USP32: variants seen among roughly 807,000 people sequenced by gnomAD.
USP32 encodes the protein ubiquitin carboxyl-terminal hydrolase 32.
Under a neutral mutation model 204.8 loss-of-function variants are expected in USP32, and 59 were observed. That is an observed-to-expected ratio of 0.29 (90% confidence interval 0.23 to 0.36). The LOEUF (loss-of-function observed/expected upper bound fraction) is 0.36, where lower values mean the gene tolerates loss of function less well. Ranked by LOEUF, USP32 falls within the 10% of genes least tolerant of loss-of-function variation. The pLI is 1.00. For missense variants in USP32, 1,160 were observed against 1,946.4 expected, an observed-to-expected ratio of 0.60 and a Z score of 7.60; for synonymous variants, 517 against 678.4, an observed-to-expected ratio of 0.76 and a Z score of 3.70.
At chr17:60,307,833 C>T (rs2087762232) in intron 2 of USP32, among the ~76,000 whole-genome samples, 1 of 152,112 alleles carries the variant, frequency 6.6e-6, no homozygotes, top group Non-Finnish European at 1.5e-5. Flanking sequence ...CCCAAGACCC[C>T]AGCAAGCAGA....
At chr17:60,274,525 G>C (rs2086797084) in intron 5 of USP32, among the ~76,000 whole-genome samples, 1 of 151,992 alleles carries the variant, frequency 6.6e-6, no homozygotes, top group Non-Finnish European at 1.5e-5. Flanking sequence ...CTTAAAAGGA[G>C]CAAGATGGGG....
At chr17:60,237,615 C>T (rs2085766759) in intron 11 of USP32, among the ~76,000 whole-genome samples, 1 of 152,160 alleles carries the variant, frequency 6.6e-6, no homozygotes, top group African/African-American at 2.4e-5. Flanking sequence ...ACCTTAACAA[C>T]CACCAGTCTG....
intron 21 of USP32, among the ~76,000 whole-genome samples, chr17:60,210,342 T>C (rs2627866): frequency 3.3e-5 from 5 of 151,696 alleles, no homozygotes; most frequent in African/African-American, 7.3e-5. Context: ...GACAGAGTCT[T>C]ACTCTGTTGC....
chr17:60,380,615 C>G (rs1381748316), intron 1 of USP32, among the ~76,000 whole-genome samples: 1 of 152,076 alleles, frequency 6.6e-6, no homozygotes, highest in Non-Finnish European at 1.5e-5. Context: ...TAATAATTAG[C>G]CCACTTAATG....
intron 26 of USP32, among the ~76,000 whole-genome samples, chr17:60,198,922 T>C (rs2084597839): frequency 6.6e-6 from 1 of 152,128 alleles, no homozygotes; most frequent in Non-Finnish European, 1.5e-5. Flanking sequence ...GAGATCAGAA[T>C]GGGCAATGTA....
At position 60,301,653 on chromosome 17, in the gene USP32, A is replaced by G; in HGVS notation, c.238T>C (p.Leu80=). The change falls in exon 3 of 34, where the codon TTA becomes CTA. Residue 80 remains leucine, a synonymous_variant. Transcript: ENST00000300896. ...GTAAGGAGGACAAGTCCAACTATTAAATTATTGAAGTGCAGCCCTTTGGAT... is the reference window on the plus strand; with the variant it reads ...GTAAGGAGGACAAGTCCAACTATTAGATTATTGAAGTGCAGCCCTTTGGAT... ...GTSKGLHFNN[L]IVGLVLLTRG... is the part of the protein sequence containing the mutation. 6.3e-7 allele frequency: 1 copy of G among 1,597,944 alleles called. No homozygotes were observed. Among genetic ancestry groups the G allele is most frequent in the Admixed American group, 1.8e-5 (1 of 54,496 alleles).
chr17:60,281,791 C>T (rs2086973586), intron 5 of USP32, among the ~76,000 whole-genome samples: 1 of 152,140 alleles, frequency 6.6e-6, no homozygotes, highest in African/African-American at 2.4e-5. Context: ...TCTCAAAATG[C>T]AGTTCATGGT....
chr17:60,265,700 G>A, intron 8 of USP32, among the ~76,000 whole-genome samples: 1 of 152,052 alleles, frequency 6.6e-6, no homozygotes, highest in Non-Finnish European at 1.5e-5. Context: ...GCCCGGCCTT[G>A]CTCAAGTATT....
intron 9 of USP32, among the ~76,000 whole-genome samples, chr17:60,257,364 G>C (rs1234594826): frequency 1.3e-5 from 2 of 152,180 alleles, no homozygotes; most frequent in Non-Finnish European, 2.9e-5. Flanking sequence ...GAAACACACA[G>C]TGGGAATTAG....
chr17:60,401,214 G>C (rs1159964381), intron 1 of USP32, among the ~76,000 whole-genome samples: 2 of 151,454 alleles, frequency 1.3e-5, no homozygotes, highest in Non-Finnish European at 2.9e-5. Context: ...CCAGCACTTT[G>C]GGGGGCCAAG....
At chr17:60,273,830 G>A (rs1387259706) in intron 5 of USP32, among the ~76,000 whole-genome samples, 1 of 151,646 alleles carries the variant, frequency 6.6e-6, no homozygotes, top group African/African-American at 2.4e-5. Flanking sequence ...CGTGGTGGCG[G>A]GTGCCTGTAG....
At chr17:60,232,473 CA>C (rs201386903) in intron 12 of USP32, among the ~76,000 whole-genome samples, 2,640 of 137,664 alleles carry the variant, frequency 0.019, 101 homozygotes, top group African/African-American at 0.081. Flanking sequence ...GCACCTGGCC[CA>C]AATTTTTTTT....
intron 1 of USP32, among the ~76,000 whole-genome samples, chr17:60,384,186 G>C (rs2089691111): frequency 6.6e-6 from 1 of 152,208 alleles, no homozygotes; most frequent in Non-Finnish European, 1.5e-5. Flanking sequence ...TTGCTGTCAT[G>C]GGAAAGACTA....
intron 1 of USP32, among the ~76,000 whole-genome samples, chr17:60,364,559 T>C (rs2146065937): frequency 6.6e-6 from 1 of 152,296 alleles, no homozygotes; most frequent in South Asian, 2.1e-4. Context: ...CTATTTTTAG[T>C]AGAGACAGGG....
At chr17:60,344,956 G>A (rs536538485) in intron 2 of USP32, among the ~76,000 whole-genome samples, 2 of 152,058 alleles carry the variant, frequency 1.3e-5, no homozygotes, top group Admixed American at 1.3e-4. Context: ...GCACAGTGGC[G>A]CCGGTTAAAC....
At chr17:60,376,238 A>G (rs2089538713) in intron 1 of USP32, among the ~76,000 whole-genome samples, 1 of 151,706 alleles carries the variant, frequency 6.6e-6, no homozygotes, top group Non-Finnish European at 1.5e-5. Flanking sequence ...TTGTATATCT[A>G]ATTATTAAAT....
intron 9 of USP32, chr17:60,256,537 G>A: frequency 8.8e-6 from 2 of 226,238 alleles, no homozygotes; most frequent in Non-Finnish European, 1.5e-5. Flanking sequence ...TTCCCAGCTG[G>A]GGCCACTATC....
At chr17:60,218,647 A>C (rs1009825102) in intron 16 of USP32, among the ~76,000 whole-genome samples, 18 of 152,196 alleles carry the variant, frequency 1.2e-4, no homozygotes, top group Non-Finnish European at 2.5e-4. Flanking sequence ...TCCGTCACCC[A>C]GGCTGGAGTG....
rs56920372 is a variant in USP32 at position 60,180,454 on chromosome 17, A to G, written c.4641+91T>C. 11,456 of 1,365,266 alleles carry G rather than the reference A, an allele frequency of 8.4e-3. 775 individuals carry two copies. In the African/African-American group the frequency reaches 0.14, roughly 17 times the overall value. 84.6% of individuals were successfully genotyped at this position (1,365,266 alleles called of 1,614,324 possible). A position where few individuals can be genotyped will look rare whatever the true frequency, so the allele number is the denominator to read the frequency against. ...ATTCTAACAGAAATATCTATTTCCT[A>G]TTCAAGAGATAGTCCATTATTTCAA... On this transcript the variant is annotated intron_variant, in intron 33 of 33. Transcript: ENST00000300896.
Sources: gnomAD v4.1 joint callset for allele counts (sites outside exome capture counted in the v4.1 genomes callset) on GRCh38, gnomAD v4.1.1 for gene constraint, MANE v1.5 for transcripts, NCBI Gene and HGNC (gene_info 2026-07-23, HGNC 2026-07-21) for gene names.